PKP1: variants seen among roughly 807,000 people sequenced by gnomAD.
The protein encoded by PKP1 is plakophilin-1.
PKP1 carries 27 observed loss-of-function variants against 76.4 expected under a neutral mutation model. That is an observed-to-expected ratio of 0.35 (90% CI 0.26 to 0.49). PKP1 has a LOEUF of 0.49. PKP1 is among the 20% of genes least tolerant of loss of function. PKP1 has a pLI of 0.99. For synonymous variants in PKP1, 404 were observed against 384.2 expected (o/e 1.05, Z -0.60); for missense variants, 964 against 955.2 (o/e 1.01, Z -0.12).
At chr1:201,321,335 G>C (rs952071311) in intron 7 of PKP1, among the ~76,000 whole-genome samples, 39 of 152,154 alleles carry the variant, frequency 2.6e-4, no homozygotes, top group Admixed American at 5.2e-4. Flanking sequence ...ATCATTAGGA[G>C]GGTAAATCTG....
chr1:201,322,176 C>T (rs1238327761), intron 8 of PKP1, 43 bp downstream of exon 8: 2 of 1,585,516 alleles, frequency 1.3e-6, no homozygotes, highest in Non-Finnish European at 1.7e-6. Context: ...CCATCAAGCA[C>T]CCCCCCAGGA....
chr1:201,314,564 A>T (rs1656669045), intron 3 of PKP1, among the ~76,000 whole-genome samples: 3 of 152,198 alleles, frequency 2.0e-5, no homozygotes, highest in Non-Finnish European at 2.9e-5. Flanking sequence ...CTGTGCATAC[A>T]TGTGGAAGGC....
At chr1:201,307,543 G>A (rs547210270) in intron 2 of PKP1, among the ~76,000 whole-genome samples, 27 of 152,256 alleles carry the variant, frequency 1.8e-4, no homozygotes, top group South Asian at 6.2e-4. Flanking sequence ...AGCCTTGCTC[G>A]GGGAGCACCT....
chr1:201,298,433 T>A (rs1241167828), intron 2 of PKP1, among the ~76,000 whole-genome samples: 1 of 152,246 alleles, frequency 6.6e-6, no homozygotes, highest in Non-Finnish European at 1.5e-5. Flanking sequence ...AAGGGTTTAC[T>A]TATTTTTAAA....
Position 201,320,563 on chromosome 1 carries a change from C to A in PKP1, c.1347+182C>A, listed in dbSNP as rs6427899. On this transcript the variant is annotated intron_variant, in intron 7 of 13. Transcript: ENST00000367324. ...GGGCTCTGGGGACAGCGTGCCCATG[C>A]AAATCCACTCTCCCTCACTTAGAAG... 0.14 allele frequency among the ~76,000 whole-genome samples: 21,293 copies of A among 152,162 alleles called. 1,944 individuals carry two copies. The highest frequency in any genetic ancestry group is 0.26 in the African/African-American group (10,826 of 41,448).
chr1:201,323,495 A>G (rs1250303969), intron 9 of PKP1, among the ~76,000 whole-genome samples: 6 of 152,138 alleles, frequency 3.9e-5, no homozygotes, highest in Non-Finnish European at 8.8e-5. Context: ...AGGTCGGGGA[A>G]TGCGGCGGAG....
intron 5 of PKP1, 87 bp downstream of exon 5, chr1:201,317,866 T>G: frequency 2.3e-6 from 3 of 1,285,422 alleles, no homozygotes; most frequent in Non-Finnish European, 3.3e-6. Flanking sequence ...AGCCTGTCTC[T>G]CCAGGCTGGG....
At chr1:201,303,396 G>GTAGTTCCAA (rs1230418186) in intron 2 of PKP1, among the ~76,000 whole-genome samples, 3 of 152,164 alleles carry the variant, frequency 2.0e-5, no homozygotes, top group African/African-American at 7.2e-5. Context: ...CCAAGTAGCT[G>GTAGTTCCAA]GAACTACAGG....
At chr1:201,304,347 C>T (rs1432520203) in intron 2 of PKP1, among the ~76,000 whole-genome samples, 3 of 152,164 alleles carry the variant, frequency 2.0e-5, no homozygotes, top group Non-Finnish European at 4.4e-5. Flanking sequence ...CTCAGTGGTG[C>T]GTTTAGAGTA....
At position 201,283,899 on chromosome 1, in the gene PKP1, A is replaced by G. The variant is rs1261682384; in HGVS notation, c.197A>G (p.Asn66Ser). The part of the protein sequence containing the change: ...SSQSSTLSHS[N>S]RGSMYDGLAD... ...CAGTCGTCCACCCTGAGCCACTCCAATCGAGGTAAAGGCTCGGCCCCCGCG... is the reference window on the plus strand; with the variant it reads ...CAGTCGTCCACCCTGAGCCACTCCAGTCGAGGTAAAGGCTCGGCCCCCGCG... Residue 66 changes from asparagine to serine, a missense_variant, in exon 1 of 14, where the codon AAT becomes AGT. Asn to Ser is a conservative substitution (Grantham distance 46). Transcript: ENST00000367324. 2.5e-6 allele frequency: 4 copies of G among 1,613,900 alleles called. No individual in the cohort carries two copies. The highest frequency in any genetic ancestry group is 4.5e-5 in the East Asian group (2 of 44,866).
intron 2 of PKP1, among the ~76,000 whole-genome samples, chr1:201,304,655 C>T (rs892867683): frequency 6.6e-6 from 1 of 152,202 alleles, no homozygotes. Context: ...TGGGGTCTTC[C>T]AGGAGTCGGG....
At position 201,316,125 on chromosome 1, in the gene PKP1, CGGACGGACGGACGGAT is replaced by C. The variant is rs1317603277; in HGVS notation, c.702-416_702-401del. The C allele has an allele frequency of 7.3e-3, 344 of 47,262 alleles. 1 individual carries two copies. The highest frequency in any genetic ancestry group is 0.02 in the Middle Eastern group (2 of 100). 2.9% of individuals were successfully genotyped at this position (47,262 alleles called of 1,614,324 possible). On this transcript the variant is annotated intron_variant, in intron 3 of 13. Transcript: ENST00000367324. Reference sequence around the variant, plus strand: ...ATGGACAGATGGATGGACGGATGGACGGACGGACGGACGGATGGACGGACGGATGGATGGATGGATG... The same window carrying C: ...ATGGACAGATGGATGGACGGATGGACGGACGGACGGATGGATGGATGGATG...
At chr1:201,322,834 T>A (rs1386259501) in intron 8 of PKP1, among the ~76,000 whole-genome samples, 179 bp from the exon 9 acceptor site, 1 of 152,082 alleles carries the variant, frequency 6.6e-6, no homozygotes, top group Non-Finnish European at 1.5e-5. Context: ...GCTGCTGCAG[T>A]GCATAGAGGA....
At chr1:201,320,016 G>A (rs1472382588) in intron 6 of PKP1, 24 of 915,600 alleles carry the variant, frequency 2.6e-5, no homozygotes, top group Middle Eastern at 2.4e-4. Flanking sequence ...AGGGCCAGGC[G>A]GAATTGGCTA....
At chr1:201,327,728 C>T (rs1238362828) in intron 12 of PKP1, among the ~76,000 whole-genome samples, 1 of 152,068 alleles carries the variant, frequency 6.6e-6, no homozygotes, top group Non-Finnish European at 1.5e-5. Context: ...CTCCTTCCAG[C>T]TATGCTTGAC....
At chr1:201,313,100 G>A in intron 2 of PKP1, 66 bp from the exon 3 acceptor site, 2 of 1,526,138 alleles carry the variant, frequency 1.3e-6, no homozygotes, top group Non-Finnish European at 1.8e-6. Context: ...TGTATCTCAT[G>A]CCCTGCTGGA....
At chr1:201,295,528 AT>A (rs1372229176) in intron 2 of PKP1, among the ~76,000 whole-genome samples, 2 of 152,224 alleles carry the variant, frequency 1.3e-5, no homozygotes, top group Admixed American at 6.5e-5. Flanking sequence ...GCATAAAGGG[AT>A]TAGATGAAAC....
intron 3 of PKP1, among the ~76,000 whole-genome samples, chr1:201,315,873 A>T (rs1656704939): frequency 6.6e-6 from 1 of 152,196 alleles, no homozygotes; most frequent in African/African-American, 2.4e-5. Context: ...TAAAAAGGGT[A>T]TGAAATTTTA....
intron 1 of PKP1, among the ~76,000 whole-genome samples, chr1:201,284,801 C>T (rs1463300945): frequency 6.6e-6 from 1 of 152,138 alleles, no homozygotes; most frequent in African/African-American, 2.4e-5. Flanking sequence ...CCCAGGGAGA[C>T]CTCCAGCTGA....
Sources: gnomAD v4.1 joint callset for allele counts (sites outside exome capture counted in the v4.1 genomes callset) on GRCh38, gnomAD v4.1.1 for gene constraint, MANE v1.5 for transcripts, NCBI Gene and HGNC (gene_info 2026-07-23, HGNC 2026-07-21) for gene names.